The following ROR1 variants were observed in gnomAD, a reference collection of about 807,000 sequenced individuals.
The protein encoded by ROR1 is ROR family WNT receptor 1.
Under a neutral mutation model 78.8 loss-of-function variants are expected in ROR1, and 19 were observed. That is an observed-to-expected ratio of 0.24 (90% CI 0.17 to 0.35). The LOEUF is 0.35. Ranked by LOEUF, ROR1 falls within the 10% of genes least tolerant of loss-of-function variation. The pLI is 1.00. For missense variants in ROR1, 917 were observed against 1,177.8 expected, an observed-to-expected ratio of 0.78 and a Z score of 3.24; for synonymous variants, 386 against 433.6, an observed-to-expected ratio of 0.89 and a Z score of 1.36.
chr1:64,057,889 G>T (rs1044719397), intron 4 of ROR1, among the ~76,000 whole-genome samples: 2 of 152,150 alleles, frequency 1.3e-5, no homozygotes, highest in Admixed American at 1.3e-4. Flanking sequence ...AAGTCAGCTG[G>T]AATATTGATA....
Position 64,014,739 on chromosome 1 carries a change from A to T in ROR1, c.163+5363A>T, listed in dbSNP as rs1336657865. 2.4e-3 allele frequency among the ~76,000 whole-genome samples: 25 copies of T among 10,424 alleles called. 2 individuals carry two copies. In the South Asian group the frequency reaches 0.051, roughly 21 times the overall value. The allele number at this position is 10,424 out of a possible 152,430, so 6.8% of individuals were successfully genotyped here. Reference sequence around the variant, plus strand: ...TATATATATATATACACATACGCACACTATATATATATATATATATATATA... The same window carrying T: ...TATATATATATATACACATACGCACTCTATATATATATATATATATATATA... On this transcript the variant is annotated intron_variant, in intron 2 of 8. Transcript: ENST00000371079.
chr1:63,794,013 G>A (rs1644743174), intron 1 of ROR1, among the ~76,000 whole-genome samples: 1 of 152,166 alleles, frequency 6.6e-6, no homozygotes, highest in Admixed American at 6.5e-5. Context: ...TTAGGTAAAG[G>A]CAAGGGCCCT....
At chr1:63,992,984 C>T (rs932621714) in intron 1 of ROR1, among the ~76,000 whole-genome samples, 1 of 152,142 alleles carries the variant, frequency 6.6e-6, no homozygotes, top group Admixed American at 6.5e-5. Context: ...TCAGAGTCAG[C>T]AAATATTAGA....
chr1:63,796,370 A>G (rs1445080149), intron 1 of ROR1, among the ~76,000 whole-genome samples: 2 of 152,234 alleles, frequency 1.3e-5, no homozygotes, highest in South Asian at 4.1e-4. Context: ...ATCACCTGGG[A>G]GCTTGTTAGA....
intron 4 of ROR1, among the ~76,000 whole-genome samples, chr1:64,134,740 C>A (rs999566999): frequency 6.9e-6 from 1 of 145,766 alleles, no homozygotes; most frequent in South Asian, 2.2e-4. Flanking sequence ...CAAGGAGATT[C>A]TTTCATTCTT....
chr1:63,865,456 A>G (rs1310590952), intron 1 of ROR1, among the ~76,000 whole-genome samples: 1 of 152,200 alleles, frequency 6.6e-6, no homozygotes, highest in Middle Eastern at 3.2e-3. Context: ...ATTGCAGTTC[A>G]GGCATTGCCC....
chr1:64,027,177 T>C (rs886257596), intron 2 of ROR1, among the ~76,000 whole-genome samples: 4 of 152,190 alleles, frequency 2.6e-5, no homozygotes, highest in African/African-American at 9.7e-5. Flanking sequence ...TGCAGAGCTC[T>C]GATAGTGCAT....
At chr1:64,121,339 A>T (rs934806409) in intron 4 of ROR1, among the ~76,000 whole-genome samples, 17 of 152,030 alleles carry the variant, frequency 1.1e-4, no homozygotes, top group African/African-American at 4.1e-4. Context: ...CTCCTTGATC[A>T]GAACATAGTC....
intron 1 of ROR1, among the ~76,000 whole-genome samples, chr1:63,792,418 A>G (rs1644732625): frequency 6.6e-6 from 1 of 152,174 alleles, no homozygotes; most frequent in Non-Finnish European, 1.5e-5. Flanking sequence ...AAGCATCCAG[A>G]TAATACGAAG....
intron 1 of ROR1, among the ~76,000 whole-genome samples, chr1:63,980,664 A>G (rs1278872140): frequency 6.6e-6 from 1 of 152,178 alleles, no homozygotes; most frequent in African/African-American, 2.4e-5. Context: ...CTTCTTTTCC[A>G]TCTGTCTACA....
chr1:63,991,064 G>A (rs931641550), intron 1 of ROR1, among the ~76,000 whole-genome samples: 16 of 151,884 alleles, frequency 1.1e-4, no homozygotes, highest in Non-Finnish European at 2.2e-4. Flanking sequence ...GACCACAGGT[G>A]CATGACACCA....
chr1:64,061,283 C>G (rs1646915478), intron 4 of ROR1, among the ~76,000 whole-genome samples: 1 of 152,128 alleles, frequency 6.6e-6, no homozygotes, highest in Non-Finnish European at 1.5e-5. Context: ...GTTTTTAAGT[C>G]ACAGAAATGG....
intron 1 of ROR1, among the ~76,000 whole-genome samples, chr1:63,906,548 G>A (rs541981632): frequency 9.9e-5 from 15 of 152,246 alleles, no homozygotes; most frequent in South Asian, 2.1e-4. Context: ...AAGGTTAAGC[G>A]CTGCAGTCTG....
At chr1:63,841,065 A>T (rs190203260) in intron 1 of ROR1, among the ~76,000 whole-genome samples, 12 of 152,328 alleles carry the variant, frequency 7.9e-5, no homozygotes, top group African/African-American at 2.9e-4. Flanking sequence ...CTAGTTTATC[A>T]TGATGGTTAT....
intron 1 of ROR1, among the ~76,000 whole-genome samples, chr1:63,972,195 G>T (rs1646124746): frequency 6.6e-6 from 1 of 152,084 alleles, no homozygotes; most frequent in African/African-American, 2.4e-5. Context: ...TCTAACCTGG[G>T]CTCTCAAATA....
intron 1 of ROR1, among the ~76,000 whole-genome samples, chr1:63,947,733 T>A (rs1430355384): frequency 2.0e-5 from 3 of 152,146 alleles, no homozygotes; most frequent in Non-Finnish European, 4.4e-5. Flanking sequence ...CATGACATAA[T>A]GTCCTACCTG....
intron 1 of ROR1, among the ~76,000 whole-genome samples, chr1:63,902,369 G>A (rs1645492454): frequency 6.6e-6 from 1 of 151,676 alleles, no homozygotes; most frequent in Non-Finnish European, 1.5e-5. Flanking sequence ...CCAGGCAGGA[G>A]GGCAGTGGCT....
In ROR1 at chr1:63,893,936, A is replaced by AT. The variant is rs532912295; in HGVS notation, c.92-115362dup. 4.6e-5 allele frequency among the ~76,000 whole-genome samples: 7 copies of AT among 152,064 alleles called. No homozygotes were observed. The South Asian group carries it at 1.5e-3, about 32-fold the overall frequency. The stretch of plus-strand genomic sequence containing the variant: ...TAGATCTTAGTGACCTCAGCATACG[A>AT]TTTTTTTCTTTCCTCATTAAGTCAA... On this transcript the variant is annotated intron_variant, in intron 1 of 8. Transcript: ENST00000371079.
At chr1:63,841,860 C>A (rs557537454) in intron 1 of ROR1, among the ~76,000 whole-genome samples, 1 of 152,168 alleles carries the variant, frequency 6.6e-6, no homozygotes, top group South Asian at 2.1e-4. Flanking sequence ...ATGCTAATGA[C>A]CCCTATATAT....
Sources: allele counts gnomAD v4.1 joint callset (sites outside exome capture counted in the v4.1 genomes callset), GRCh38; gene constraint gnomAD v4.1.1; transcripts MANE v1.5; gene names NCBI Gene and HGNC (gene_info 2026-07-23, HGNC 2026-07-21).